PPP2R2B: variants seen among roughly 807,000 people sequenced by gnomAD.
PPP2R2B encodes protein phosphatase 2 regulatory subunit Bbeta.
A neutral mutation model predicts 46.0 loss-of-function variants in PPP2R2B; 5 were observed. That is an observed-to-expected ratio of 0.11 (90% CI 0.06 to 0.23). The LOEUF is 0.23. PPP2R2B is among the 10% of genes least tolerant of loss of function. The pLI, the probability that PPP2R2B is intolerant of heterozygous loss-of-function variation, is 1.00. For missense variants in PPP2R2B, 367 were observed against 575.0 expected, an observed-to-expected ratio of 0.64 and a Z score of 3.70; for synonymous variants, 215 against 206.7, an observed-to-expected ratio of 1.04 and a Z score of -0.34.
chr5:146,895,252 G>C (rs991647375), intron 1 of PPP2R2B, among the ~76,000 whole-genome samples: 2 of 152,102 alleles, frequency 1.3e-5, no homozygotes, highest in African/African-American at 4.8e-5. Context: ...TTTCAGATTA[G>C]TCATCTTTTC....
intron 1 of PPP2R2B, among the ~76,000 whole-genome samples, chr5:146,947,512 C>T (rs1764521020): frequency 1.3e-5 from 2 of 152,070 alleles, no homozygotes; most frequent in South Asian, 4.1e-4. Flanking sequence ...ATGATTGAGG[C>T]TTGGAGCTGC....
chr5:146,593,658 T>C (rs1321429724), intron 8 of PPP2R2B, among the ~76,000 whole-genome samples: 1 of 152,124 alleles, frequency 6.6e-6, no homozygotes, highest in African/African-American at 2.4e-5. Context: ...AGGAGATGAA[T>C]GAGCCACAGT....
At chr5:147,043,251 C>T (rs375127619) in intron 1 of PPP2R2B, among the ~76,000 whole-genome samples, 12 of 152,014 alleles carry the variant, frequency 7.9e-5, no homozygotes, top group African/African-American at 2.7e-4. Flanking sequence ...AATTGTGTCC[C>T]CCTGCAAAGT....
At chr5:146,606,895 G>A (rs80237796) in intron 7 of PPP2R2B, 3,128 of 152,296 alleles carry the variant, frequency 0.021, 101 homozygotes, top group African/African-American at 0.071. Context: ...GTCCGCTCAC[G>A]ATGAAAAAGG....
intron 6 of PPP2R2B, among the ~76,000 whole-genome samples, chr5:146,640,578 A>G (rs1775140447): frequency 6.6e-6 from 1 of 152,162 alleles, no homozygotes; most frequent in Non-Finnish European, 1.5e-5. Flanking sequence ...TTGATATCCC[A>G]CTGTGCCTGT....
intron 2 of PPP2R2B, among the ~76,000 whole-genome samples, chr5:146,831,542 A>G (rs943290139): frequency 1.1e-4 from 16 of 150,170 alleles, no homozygotes; most frequent in African/African-American, 3.7e-4. Context: ...GTTGATAGGT[A>G]CAGCAAACCA....
intron 7 of PPP2R2B, among the ~76,000 whole-genome samples, chr5:146,605,554 G>A (rs1346092530): frequency 6.6e-6 from 1 of 152,084 alleles, no homozygotes; most frequent in Non-Finnish European, 1.5e-5. Flanking sequence ...CCTATTGTTG[G>A]GGCATTATAG....
At chr5:146,734,087 C>T (rs1382704114) in intron 2 of PPP2R2B, among the ~76,000 whole-genome samples, 1 of 146,702 alleles carries the variant, frequency 6.8e-6, no homozygotes, top group South Asian at 2.2e-4. Flanking sequence ...CAGGGTTTTA[C>T]TCTGTTGCTG....
At chr5:147,054,497 C>T (rs2400241) in intron 1 of PPP2R2B, 276,610 of 395,336 alleles carry the variant, frequency 0.7, 99,866 homozygotes, top group Middle Eastern at 0.8. Flanking sequence ...AAAAAAAGTC[C>T]ATGAGATATC....
At chr5:147,048,132 G>C (rs1476577872) in intron 1 of PPP2R2B, among the ~76,000 whole-genome samples, 3 of 152,134 alleles carry the variant, frequency 2.0e-5, no homozygotes, top group Non-Finnish European at 2.9e-5. Context: ...TACTGTTAGA[G>C]TTGTGTGCGT....
chr5:146,599,276 C>T (rs1040380383), intron 8 of PPP2R2B, among the ~76,000 whole-genome samples: 2 of 152,170 alleles, frequency 1.3e-5, no homozygotes, highest in African/African-American at 4.8e-5. Context: ...TCTTGATTCC[C>T]TCTCCCTGCA....
chr5:146,605,343 C>T (rs1484621629), intron 7 of PPP2R2B, among the ~76,000 whole-genome samples: 1 of 152,158 alleles, frequency 6.6e-6, no homozygotes, highest in Non-Finnish European at 1.5e-5. Context: ...CCTACCAGGT[C>T]CCTCCCAGCT....
chr5:147,072,853 G>C (rs919482131), intron 2 of PPP2R2B, among the ~76,000 whole-genome samples: 2 of 152,226 alleles, frequency 1.3e-5, no homozygotes, highest in Non-Finnish European at 2.9e-5. Flanking sequence ...ATGTGGGTCT[G>C]TGTACCCAGA....
chr5:147,020,858 T>C (rs971149147), intron 1 of PPP2R2B, among the ~76,000 whole-genome samples: 1 of 152,140 alleles, frequency 6.6e-6, no homozygotes, highest in African/African-American at 2.4e-5. Flanking sequence ...ACCAAGCAAA[T>C]TCCATGAATA....
intron 1 of PPP2R2B, among the ~76,000 whole-genome samples, chr5:146,938,332 A>G (rs1014822867): frequency 6.6e-6 from 1 of 152,186 alleles, no homozygotes; most frequent in Admixed American, 6.5e-5. Flanking sequence ...CCAAATGGTC[A>G]GAAATTCTAA....
chr5:147,079,977 T>C (rs1757927910), intron 2 of PPP2R2B, among the ~76,000 whole-genome samples: 1 of 152,316 alleles, frequency 6.6e-6, no homozygotes, highest in African/African-American at 2.4e-5. Context: ...TCAATTTCTT[T>C]TAAATATAAT....
intron 1 of PPP2R2B, among the ~76,000 whole-genome samples, chr5:147,050,388 G>A (rs994838017): frequency 1.2e-4 from 19 of 152,060 alleles, no homozygotes; most frequent in African/African-American, 4.1e-4. Context: ...TGCATTTGAC[G>A]TGGGCTGTGA....
intron 2 of PPP2R2B, among the ~76,000 whole-genome samples, chr5:146,730,166 G>T (rs1752141986): frequency 6.6e-6 from 1 of 152,198 alleles, no homozygotes; most frequent in African/African-American, 2.4e-5. Flanking sequence ...TCATTTTGGA[G>T]CTTTAAAATT....
At chr5:146,683,912 C>T (rs1156377198) in intron 5 of PPP2R2B, among the ~76,000 whole-genome samples, 1 of 152,184 alleles carries the variant, frequency 6.6e-6, no homozygotes, top group Non-Finnish European at 1.5e-5. Flanking sequence ...ACATCACATG[C>T]CAGCATTCAC....
Sources: gnomAD v4.1 joint callset for allele counts (sites outside exome capture counted in the v4.1 genomes callset) on GRCh38, gnomAD v4.1.1 for gene constraint, MANE v1.5 for transcripts, NCBI Gene and HGNC (gene_info 2026-07-23, HGNC 2026-07-21) for gene names.